BRD8: variants seen among roughly 807,000 people sequenced by gnomAD.
BRD8 encodes bromodomain-containing protein 8.
A neutral mutation model predicts 143.1 loss-of-function variants in BRD8; 67 were observed. The ratio of observed to expected loss-of-function variants is 0.47; its 90% confidence interval spans 0.38 to 0.57. The LOEUF (loss-of-function observed/expected upper bound fraction) is 0.57. BRD8 is among the 20% of genes least tolerant of loss of function. BRD8 has a pLI of 0.00. For missense variants in BRD8, 1,103 were observed against 1,503.0 expected (o/e 0.73, Z 4.40); for synonymous variants, 505 against 517.1 (o/e 0.98, Z 0.32).
At chr5:138,155,657 T>C (rs549889514) in intron 20 of BRD8, among the ~76,000 whole-genome samples, 31 of 147,378 alleles carry the variant, frequency 2.1e-4, no homozygotes, top group African/African-American at 5.3e-4. Flanking sequence ...CAGCCTCCAA[T>C]GTAGCTGGGA....
At chr5:138,173,074 A>T (rs1754021775) in intron 2 of BRD8, among the ~76,000 whole-genome samples, 1 of 152,102 alleles carries the variant, frequency 6.6e-6, no homozygotes, top group Admixed American at 6.5e-5. Flanking sequence ...AAATAATAAA[A>T]TTTAAAACTT....
At chr5:138,152,420 G>C (rs1459107505) in intron 21 of BRD8, 62 bp downstream of exon 21, 3 of 1,583,338 alleles carry the variant, frequency 1.9e-6, no homozygotes, top group Non-Finnish European at 2.6e-6. Flanking sequence ...AGCATGTAAG[G>C]ATAAGCATTC....
At chr5:138,172,648 A>G in intron 2 of BRD8, 1 of 321,572 alleles carries the variant, frequency 3.1e-6, no homozygotes, top group African/African-American at 3.0e-5. Flanking sequence ...AAGCCACCCG[A>G]GGAGATCCCA....
intron 20 of BRD8, chr5:138,156,754 A>G (rs995492516): frequency 5.2e-5 from 44 of 853,124 alleles, no homozygotes; most frequent in East Asian, 1.3e-4. Flanking sequence ...CAAGCAGTTC[A>G]TAAGACTTTT....
In BRD8 at chr5:138,145,850, G is replaced by T. The variant is rs753050725; in HGVS notation, c.3307C>A (p.Gln1103Lys). Residue 1103 changes from glutamine (Q) to lysine (K), a missense_variant, in exon 24 of 27, where the codon CAG (glutamine) becomes AAG (lysine). Around this residue, in one of 7 missense-constraint regions of BRD8, gnomAD observed 369 missense variants for 445.5 expected, o/e 0.83. Transcript: ENST00000254900. ...LTDLSQDDPV[Q>K]DHLLFKKTLL... is the part of the protein sequence containing the mutation. ...GTCTTCTTAAATAGCAAATGATCCTGAACAGGGTCATCCTGGCTTAGATCA... is the reference window on the plus strand; with the variant it reads ...GTCTTCTTAAATAGCAAATGATCCTTAACAGGGTCATCCTGGCTTAGATCA... 6.2e-7 allele frequency: 1 copy of T among 1,613,944 alleles called. No homozygotes were observed. Among genetic ancestry groups the T allele is most frequent in the Admixed American group, 1.7e-5 (1 of 60,010 alleles).
At chr5:138,169,136 A>C in intron 8 of BRD8, 86 bp downstream of exon 8, 1 of 1,456,184 alleles carries the variant, frequency 6.9e-7, no homozygotes, top group Non-Finnish European at 9.2e-7. Context: ...AGTTGCCTCT[A>C]GGCCAAAAGT....
At chr5:138,155,474 G>T (rs940870492) in intron 20 of BRD8, among the ~76,000 whole-genome samples, 5 of 150,480 alleles carry the variant, frequency 3.3e-5, no homozygotes, top group Non-Finnish European at 1.5e-5. Flanking sequence ...AAGTTTAGTT[G>T]GCCAGGAGCA....
In BRD8 at chr5:138,164,892, A is replaced by G. The variant is rs778405083; in HGVS notation, c.1553T>C (p.Val518Ala). ...AGCTACTATTTCGGCTCCTGAAATG[A>G]CTGGCTCTGGTTCTGCAGGTTCCAC... ...IKVEPAEPEP[V>A]ISGAEIVAGV... Residue 518 changes from valine to alanine, a missense_variant, in exon 12 of 27, where the codon GTC becomes GCC. Around this residue, in one of 7 missense-constraint regions of BRD8, gnomAD observed 139 missense variants for 139.0 expected, o/e 1.00. Coordinates refer to ENST00000254900, the MANE Select transcript of BRD8 (RefSeq NM_139199.2). 5.9e-5 allele frequency: 95 copies of G among 1,614,056 alleles called. No individual in the cohort carries two copies. The highest frequency in any genetic ancestry group is 7.3e-5 in the Non-Finnish European group (86 of 1,180,050).
intron 2 of BRD8, among the ~76,000 whole-genome samples, chr5:138,173,946 G>A (rs777495316): frequency 9.9e-5 from 15 of 151,974 alleles, no homozygotes; most frequent in Non-Finnish European, 1.8e-4. Flanking sequence ...CAAAGTTCTG[G>A]GATTATAGAT....
chr5:138,162,046 C>A lies in BRD8; in HGVS notation c.2180+8G>T. 2 of 1,611,024 alleles carry A rather than the reference C, an allele frequency of 1.2e-6. No individual in the cohort carries two copies. The highest frequency in any genetic ancestry group is 2.2e-5 in the South Asian group (2 of 90,574). ...AAATGAACCTACTGACTGGTAAAGC[C>A]CACTCACCTATGATTAGCTGCAGCT... On this transcript the variant is annotated splice_region_variant and intron_variant, in intron 16 of 26. Transcript: ENST00000254900.
intron 2 of BRD8, chr5:138,172,782 G>T (rs1200871484): frequency 7.0e-6 from 3 of 430,116 alleles, no homozygotes; most frequent in South Asian, 4.9e-5. Flanking sequence ...AGCCCAGGAA[G>T]TCAAGAGGCT....
chr5:138,160,055 C>A lies in BRD8; in HGVS notation c.2532+14G>T. On this transcript the variant is annotated intron_variant, in intron 19 of 26. Coordinates refer to ENST00000254900, the MANE Select transcript of BRD8 (RefSeq NM_139199.2). ...TGGAACACTGGCACACAGGTTCCTTCCTGATCGCCTCACCTTCTCTGAAGC... is the reference window on the plus strand; with the variant it reads ...TGGAACACTGGCACACAGGTTCCTTACTGATCGCCTCACCTTCTCTGAAGC... 1 of 1,603,434 alleles carries A rather than the reference C, an allele frequency of 6.2e-7. No individual in the cohort carries two copies.
intron 4 of BRD8, 67 bp downstream of exon 4, chr5:138,171,294 A>G (rs1581454053): frequency 6.9e-7 from 1 of 1,452,190 alleles, no homozygotes; most frequent in East Asian, 2.3e-5. Context: ...CTAAGTATAA[A>G]CCAGAATTCC....
At chr5:138,170,941 T>C (rs371866432) in intron 5 of BRD8, 29 bp from the exon 6 acceptor site, 1 of 1,612,856 alleles carries the variant, frequency 6.2e-7, no homozygotes, top group Non-Finnish European at 8.5e-7. Context: ...GTAGGTAGAC[T>C]GGGTTTTTTA....
At chr5:138,174,739 G>A (rs1452942863) in intron 2 of BRD8, among the ~76,000 whole-genome samples, 2 of 152,204 alleles carry the variant, frequency 1.3e-5, no homozygotes, top group East Asian at 1.9e-4. Flanking sequence ...AGCAGCCACC[G>A]TGAACCATAA....
intron 8 of BRD8, chr5:138,168,708 C>A (rs1201009462): frequency 4.1e-6 from 5 of 1,209,932 alleles, no homozygotes; most frequent in Non-Finnish European, 6.1e-6. Flanking sequence ...AACAGAGAAC[C>A]TTTATCTGAC....
Position 138,152,648 on chromosome 5 carries a change from TCAAGATC to T in BRD8, c.2683_2689del (p.Asp895MetfsTer16). ...CTCAGTTTCCCTCCAGTTGCCCACA[TCAAGATC>T]CAGACTGGAGTCCCATGAGCTGAAG... On this transcript the variant is annotated frameshift_variant, in exon 21 of 27. Coordinates refer to ENST00000254900, the MANE Select transcript of BRD8 (RefSeq NM_139199.2). LOFTEE classifies it high-confidence loss of function. 1 of 1,614,170 alleles carries T rather than the reference TCAAGATC, an allele frequency of 6.2e-7. No individual in the cohort carries two copies. Among genetic ancestry groups the T allele is most frequent in the East Asian group, 2.2e-5 (1 of 44,880 alleles).
chr5:138,170,356 G>A lies in BRD8; in HGVS notation c.494C>T (p.Ala165Val), dbSNP rs761957769. ...EAEVKRKATDAAYQARQAVKT... is the reference protein window; with the variant it reads ...EAEVKRKATDVAYQARQAVKT... ...TAGGTTCAGCTTACCCTGGTATGCA[G>A]CATCTGTAGCCTTCCTCTTTACTTC... The change falls in exon 7 of 27, where the codon GCT becomes GTT. Residue 165 changes from alanine to valine, a missense_variant. Coordinates refer to ENST00000254900, the MANE Select transcript of BRD8 (RefSeq NM_139199.2). 7 of 1,612,102 alleles carry A rather than the reference G, an allele frequency of 4.3e-6. No homozygotes were observed. The East Asian group carries it at 1.3e-4, about 31-fold the overall frequency.
At chr5:138,151,640 T>C (rs558892494) in intron 21 of BRD8, among the ~76,000 whole-genome samples, 17 of 150,044 alleles carry the variant, frequency 1.1e-4, no homozygotes, top group Admixed American at 5.4e-4. Flanking sequence ...AGAAATTCAG[T>C]CAAAAAGCAT....
Sources: gnomAD v4.1 joint callset for allele counts (sites outside exome capture counted in the v4.1 genomes callset) on GRCh38, gnomAD v4.1.1 for gene constraint, gnomAD v4.1.1 regional missense constraint, MANE v1.5 for transcripts, NCBI Gene and HGNC (gene_info 2026-07-23, HGNC 2026-07-21) for gene names.